LGSN: variants seen among roughly 807,000 people sequenced by gnomAD.
The protein encoded by LGSN is lengsin.
In LGSN, 21 loss-of-function variants were observed where a neutral mutation model predicts 19.5. The ratio of observed to expected loss-of-function variants is 1.07; its 90% CI spans 0.76 to 1.55. LGSN has a LOEUF of 1.55. LGSN is among the 40% of genes most tolerant of loss of function. The pLI is 0.00. For synonymous variants in LGSN, 257 were observed against 215.6 expected (o/e 1.19, Z -1.68); for missense variants, 673 against 608.5 (o/e 1.11, Z -1.12).
the LGSN span, among the ~76,000 whole-genome samples, chr6:63,326,094 T>A: frequency 6.6e-6 from 1 of 151,972 alleles, no homozygotes; most frequent in Non-Finnish European, 1.5e-5. Flanking sequence ...ATACAGAGTG[T>A]CCACACAAAG....
At chr6:63,541,038 G>A in the LGSN span, among the ~76,000 whole-genome samples, 10 of 150,520 alleles carry the variant, frequency 6.6e-5, no homozygotes, top group South Asian at 2.1e-4. Flanking sequence ...AGGAAGGAAG[G>A]AAGGAAGGAA....
chr6:63,426,124 A>C, the LGSN span, among the ~76,000 whole-genome samples: 1 of 152,208 alleles, frequency 6.6e-6, no homozygotes, highest in Admixed American at 6.5e-5. Flanking sequence ...AAAAGGTGGC[A>C]GTGCCTTCAG....
chr6:63,532,332 A>G, the LGSN span, among the ~76,000 whole-genome samples: 4 of 152,112 alleles, frequency 2.6e-5, no homozygotes, highest in South Asian at 2.1e-4. Flanking sequence ...ATCTTTTCCT[A>G]TAAGATTTTC....
chr6:63,388,728 G>A, the LGSN span, among the ~76,000 whole-genome samples: 1 of 152,174 alleles, frequency 6.6e-6, no homozygotes, highest in African/African-American at 2.4e-5. Context: ...AAATAATAGA[G>A]GTCCTAAAGC....
the LGSN span, among the ~76,000 whole-genome samples, chr6:63,531,133 C>A: frequency 6.6e-6 from 1 of 152,176 alleles, no homozygotes; most frequent in Non-Finnish European, 1.5e-5. Flanking sequence ...AAAGTCCTCT[C>A]AGTTCTGCCT....
At chr6:63,462,966 A>G in the LGSN span, among the ~76,000 whole-genome samples, 1 of 152,246 alleles carries the variant, frequency 6.6e-6, no homozygotes, top group African/African-American at 2.4e-5. Flanking sequence ...TTCACAAATA[A>G]GAATTATAAA....
the LGSN span, among the ~76,000 whole-genome samples, chr6:63,545,763 C>G: frequency 1.3e-5 from 2 of 152,032 alleles, no homozygotes; most frequent in South Asian, 4.1e-4. Context: ...TAGACGTGCT[C>G]AAAATTCAAT....
chr6:63,392,586 A>G, the LGSN span: 1 of 152,218 alleles, frequency 6.6e-6, no homozygotes, highest in African/African-American at 2.4e-5. Flanking sequence ...CAGACCCTCA[A>G]CTTCAAATTG....
chr6:63,533,806 A>G, the LGSN span, among the ~76,000 whole-genome samples: 1 of 151,508 alleles, frequency 6.6e-6, no homozygotes, highest in Non-Finnish European at 1.5e-5. Flanking sequence ...CACAAACAAA[A>G]TATAGCAAAT....
the LGSN span, among the ~76,000 whole-genome samples, chr6:63,505,565 AAAAGAAAG>A: frequency 0.052 from 3,062 of 58,504 alleles, 239 homozygotes; most frequent in South Asian, 0.075. Context: ...AAAAAAAAAA[AAAAGAAAG>A]AAAGAAAGAA....
chr6:63,496,996 T>C, the LGSN span, among the ~76,000 whole-genome samples: 1 of 152,038 alleles, frequency 6.6e-6, no homozygotes, highest in African/African-American at 2.4e-5. Flanking sequence ...GATTGAAATA[T>C]GTTTTTATTT....
chr6:63,483,621 C>A, the LGSN span, among the ~76,000 whole-genome samples: 1 of 151,986 alleles, frequency 6.6e-6, no homozygotes. Context: ...AAGCTCTTTT[C>A]TTATTGTTTT....
the LGSN span, among the ~76,000 whole-genome samples, chr6:63,332,633 G>A: frequency 9.9e-5 from 15 of 152,126 alleles, no homozygotes; most frequent in African/African-American, 2.9e-4. Flanking sequence ...TTAGTCCAGC[G>A]GCCGCGCTAG....
the LGSN span, among the ~76,000 whole-genome samples, chr6:63,470,974 C>T: frequency 4.8e-5 from 6 of 124,706 alleles, no homozygotes; most frequent in African/African-American, 6.7e-5. Context: ...GAGTTTTGCT[C>T]TTGTTGCCCA....
chr6:63,368,504 C>T, the LGSN span, among the ~76,000 whole-genome samples: 1 of 152,122 alleles, frequency 6.6e-6, no homozygotes, highest in Non-Finnish European at 1.5e-5. Context: ...CAGCTCACCA[C>T]TTCCCCTCCT....
At chr6:63,332,573 G>T in the LGSN span, among the ~76,000 whole-genome samples, 1 of 152,170 alleles carries the variant, frequency 6.6e-6, no homozygotes, top group Non-Finnish European at 1.5e-5. Flanking sequence ...ACTCCAAAGA[G>T]TTGGGGGTTG....
the LGSN span, among the ~76,000 whole-genome samples, chr6:63,474,944 A>G: frequency 6.6e-6 from 1 of 151,972 alleles, no homozygotes; most frequent in Non-Finnish European, 1.5e-5. Context: ...TTCCCCACAG[A>G]TTTTGTGCAA....
At chr6:63,398,207 TAAA>T in the LGSN span, among the ~76,000 whole-genome samples, 13,541 of 109,658 alleles carry the variant, frequency 0.12, 1,208 homozygotes, top group African/African-American at 0.27. Context: ...TCCTATTTAC[TAAA>T]AAAAAAAAAA....
At chr6:63,489,426 T>G in the LGSN span, among the ~76,000 whole-genome samples, 1 of 152,260 alleles carries the variant, frequency 6.6e-6, no homozygotes, top group Admixed American at 6.5e-5. Flanking sequence ...TGGAGTGCAG[T>G]GGCACAATCT....
Sources: allele counts gnomAD v4.1 joint callset (sites outside exome capture counted in the v4.1 genomes callset), GRCh38; gene constraint gnomAD v4.1.1; transcripts MANE v1.5; gene names NCBI Gene and HGNC (gene_info 2026-07-23, HGNC 2026-07-21).